Variants in RGS8 observed in about 807,000 individuals in gnomAD.
RGS8 encodes the protein regulator of G protein signaling 8.
RGS8 carries 8 observed loss-of-function variants against 21.7 expected under a neutral mutation model. That is an observed-to-expected ratio of 0.37 (90% CI 0.22 to 0.66). The LOEUF is 0.66. Ranked by LOEUF, RGS8 falls within the 30% of genes least tolerant of loss-of-function variation. RGS8 has a pLI of 0.59. For synonymous variants in RGS8, 80 were observed against 83.6 expected (o/e 0.96, Z 0.24); for missense variants, 157 against 217.9 (o/e 0.72, Z 1.76).
intron 5 of RGS8, among the ~76,000 whole-genome samples, chr1:182,656,297 C>T (rs1191256037): frequency 6.6e-6 from 1 of 152,150 alleles, no homozygotes; most frequent in African/African-American, 2.4e-5. Flanking sequence ...AAGCCCAAAT[C>T]AGGCAAACAC....
At chr1:182,671,156 T>G (rs1372503403) in intron 2 of RGS8, among the ~76,000 whole-genome samples, 2 of 152,180 alleles carry the variant, frequency 1.3e-5, no homozygotes, top group Non-Finnish European at 2.9e-5. Flanking sequence ...GCTGTTCAGT[T>G]GCCTGTCTCT....
At chr1:182,716,130 T>G in the RGS8 span, among the ~76,000 whole-genome samples, 1 of 151,172 alleles carries the variant, frequency 6.6e-6, no homozygotes, top group Non-Finnish European at 1.5e-5. Flanking sequence ...TTTTTGGTTT[T>G]TTTTTTTTTC....
intron 4 of RGS8, among the ~76,000 whole-genome samples, chr1:182,666,656 A>G (rs1198823811): frequency 7.6e-6 from 1 of 131,846 alleles, no homozygotes; most frequent in South Asian, 2.3e-4. Context: ...CTTACTTAGG[A>G]AAAAAAAAAA....
the RGS8 span, among the ~76,000 whole-genome samples, chr1:182,713,347 C>A: frequency 6.6e-6 from 1 of 152,130 alleles, no homozygotes; most frequent in South Asian, 2.1e-4. Flanking sequence ...CCACACCTGG[C>A]TAATCTTTGT....
the RGS8 span, among the ~76,000 whole-genome samples, chr1:182,719,906 T>C: frequency 6.6e-6 from 1 of 152,196 alleles, no homozygotes; most frequent in African/African-American, 2.4e-5. Context: ...CTCCAATCTC[T>C]CTAATTTGCC....
At chr1:182,656,557 T>C (rs9661855) in intron 5 of RGS8, among the ~76,000 whole-genome samples, 11,057 of 152,254 alleles carry the variant, frequency 0.073, 761 homozygotes, top group African/African-American at 0.16. Flanking sequence ...GGCCAGGGGA[T>C]GCTGTAACGA....
At chr1:182,689,692 T>C in the RGS8 span, among the ~76,000 whole-genome samples, 39 of 152,202 alleles carry the variant, frequency 2.6e-4, no homozygotes, top group African/African-American at 7.5e-4. Flanking sequence ...TGGATGGATA[T>C]GGATATAGAT....
At chr1:182,737,962 C>T in the RGS8 span, among the ~76,000 whole-genome samples, 464 of 152,302 alleles carry the variant, frequency 3.0e-3, 4 homozygotes, top group African/African-American at 9.7e-3. Context: ...TGATTGCAGC[C>T]TTGTGAGAAA....
chr1:182,659,384 A>G (rs1350346356), intron 5 of RGS8, among the ~76,000 whole-genome samples: 4 of 152,232 alleles, frequency 2.6e-5, no homozygotes, highest in Non-Finnish European at 4.4e-5. Flanking sequence ...TCACGAAGGA[A>G]TCCTTTAATA....
chr1:182,676,089 C>T (rs554039530), upstream of RGS8, among the ~76,000 whole-genome samples: 1 of 152,182 alleles, frequency 6.6e-6, no homozygotes, highest in South Asian at 2.1e-4. Flanking sequence ...GTCAGCTGCA[C>T]AGGTACATAA....
the RGS8 span, among the ~76,000 whole-genome samples, chr1:182,745,418 G>C: frequency 1.3e-5 from 2 of 152,190 alleles, no homozygotes; most frequent in Non-Finnish European, 2.9e-5. Flanking sequence ...CAGCAAGCCT[G>C]GTACTCTGAT....
chr1:182,752,188 C>T, the RGS8 span, among the ~76,000 whole-genome samples: 1 of 152,216 alleles, frequency 6.6e-6, no homozygotes, highest in African/African-American at 2.4e-5. Context: ...CAAGCCATCC[C>T]ACCTCCTGAC....
chr1:182,671,788 G>A, intron 1 of RGS8, 58 bp from the exon 3 acceptor site: 1 of 1,610,718 alleles, frequency 6.2e-7, no homozygotes, highest in African/African-American at 1.3e-5. Context: ...TGAAGGGCAT[G>A]TGTGCATGAA....
chr1:182,726,398 C>A, the RGS8 span, among the ~76,000 whole-genome samples: 1 of 152,142 alleles, frequency 6.6e-6, no homozygotes, highest in Non-Finnish European at 1.5e-5. Flanking sequence ...CGGCCAGGTG[C>A]GGTGGCTCAC....
At chr1:182,751,941 C>T in the RGS8 span, among the ~76,000 whole-genome samples, 101 of 152,286 alleles carry the variant, frequency 6.6e-4, no homozygotes, top group Non-Finnish European at 1.3e-3. Flanking sequence ...TGAACATCTT[C>T]AGGCAAGGCA....
chr1:182,726,474 C>G, the RGS8 span, among the ~76,000 whole-genome samples: 1 of 152,068 alleles, frequency 6.6e-6, no homozygotes, highest in Non-Finnish European at 1.5e-5. Flanking sequence ...AGTTGGAGAC[C>G]AGCCTGACCA....
chr1:182,676,689 G>A (rs79766195), upstream of RGS8, among the ~76,000 whole-genome samples: 658 of 152,298 alleles, frequency 4.3e-3, 3 homozygotes, highest in African/African-American at 0.015. Flanking sequence ...AGGGGACATG[G>A]AGAAAAGTCA....
chr1:182,704,703 GCAGACCCACCCT>G, the RGS8 span, among the ~76,000 whole-genome samples: 5 of 152,182 alleles, frequency 3.3e-5, no homozygotes, highest in African/African-American at 1.2e-4. Context: ...GGTGTGAATT[GCAGACCCACCCT>G]CACTGCCCCC....
the RGS8 span, among the ~76,000 whole-genome samples, chr1:182,698,116 C>A: frequency 6.6e-6 from 1 of 152,214 alleles, no homozygotes; most frequent in Non-Finnish European, 1.5e-5. Context: ...CTGTTTCTCC[C>A]TTCCCCTGCT....
Sources: allele counts gnomAD v4.1 joint callset (sites outside exome capture counted in the v4.1 genomes callset), GRCh38; gene constraint gnomAD v4.1.1; transcripts MANE v1.5; gene names NCBI Gene and HGNC (gene_info 2026-07-23, HGNC 2026-07-21).